Variants in ASNS observed in about 807,000 individuals in gnomAD.
ASNS encodes the protein asparagine synthetase [glutamine-hydrolyzing].
Under a neutral mutation model 62.6 loss-of-function variants are expected in ASNS, and 37 were observed. The ratio of observed to expected loss-of-function variants is 0.59; its 90% CI spans 0.45 to 0.78. The LOEUF (loss-of-function observed/expected upper bound fraction) is 0.78. Among genes scored for constraint, ASNS ranks in the 30% least tolerant of loss-of-function variants. The probability of loss-of-function intolerance (pLI) is 0.00; values close to 1 mark genes in which losing one functional copy is unlikely to be tolerated. For synonymous variants in ASNS, 207 were observed against 237.9 expected (o/e 0.87, Z 1.19); for missense variants, 520 against 682.4 (o/e 0.76, Z 2.65).
chr7:97,883,296 A>C, the ASNS span, among the ~76,000 whole-genome samples: 3 of 152,184 alleles, frequency 2.0e-5, no homozygotes, highest in Non-Finnish European at 2.9e-5. Context: ...GGCCTTTGAA[A>C]GTCTAGACAT....
At chr7:97,907,076 A>AC in the ASNS span, among the ~76,000 whole-genome samples, 2 of 152,132 alleles carry the variant, frequency 1.3e-5, no homozygotes, top group Non-Finnish European at 2.9e-5. Flanking sequence ...ATATCTGGGC[A>AC]CCCCACAACC....
the ASNS span, among the ~76,000 whole-genome samples, chr7:97,878,019 G>C: frequency 6.6e-6 from 1 of 152,202 alleles, no homozygotes; most frequent in African/African-American, 2.4e-5. Context: ...GATGATCACG[G>C]ATGAGAGCAG....
chr7:97,858,997 G>C (rs1157845233), intron 5 of ASNS, 42 bp from the exon 6 acceptor site: 1 of 1,554,276 alleles, frequency 6.4e-7, no homozygotes, highest in African/African-American at 1.4e-5. Context: ...AGAAAATCTT[G>C]GGCTGGATTA....
chr7:97,905,029 G>C, the ASNS span, among the ~76,000 whole-genome samples: 8 of 152,114 alleles, frequency 5.3e-5, no homozygotes, highest in African/African-American at 1.9e-4. Flanking sequence ...TCAATGTGCA[G>C]ACATCCACCT....
In ASNS at chr7:97,868,519, A is replaced by ATGTG. The variant is rs61611439; in HGVS notation, c.249+385_249+388dup. Among the ~76,000 whole-genome samples, 308 of 122,960 alleles carry ATGTG rather than the reference A, an allele frequency of 2.5e-3. 2 individuals are homozygous for ATGTG. The East Asian group carries it at 0.029, about 12-fold the overall frequency. 80.7% of individuals were successfully genotyped at this position (122,960 alleles called of 152,430 possible). The stretch of plus-strand genomic sequence containing the variant: ...TACTCTCAAATGATTCAGCAAAAAC[A>ATGTG]TGTGTGTGTGTGTGTGTGTGTGTGT... On this transcript the variant is annotated intron_variant, in intron 3 of 12. Coordinates refer to ENST00000394308, the MANE Select transcript of ASNS (RefSeq NM_001673.5).
At chr7:97,906,839 G>A in the ASNS span, 8 of 151,988 alleles carry the variant, frequency 5.3e-5, no homozygotes, top group African/African-American at 1.9e-4. Flanking sequence ...GTTCCAACTC[G>A]AGTCCACATC....
intron 2 of ASNS, among the ~76,000 whole-genome samples, chr7:97,869,555 C>T (rs534602530): frequency 6.6e-6 from 1 of 152,284 alleles, no homozygotes; most frequent in South Asian, 2.1e-4. Context: ...CCAACCTAGC[C>T]AGAGATCCTA....
intron 5 of ASNS, 42 bp downstream of exon 5, chr7:97,859,171 C>A: frequency 1.3e-6 from 2 of 1,552,618 alleles, no homozygotes; most frequent in South Asian, 1.2e-5. Flanking sequence ...AATTTTTTTC[C>A]CTTGGAGAAG....
the ASNS span, chr7:97,898,345 C>G: frequency 2.0e-6 from 1 of 503,650 alleles, no homozygotes; most frequent in Non-Finnish European, 3.6e-6. Context: ...GAACTTTAAA[C>G]AGATTCTTGG....
At chr7:97,926,080 T>C in the ASNS span, among the ~76,000 whole-genome samples, 1 of 110,152 alleles carries the variant, frequency 9.1e-6, no homozygotes, top group Non-Finnish European at 1.7e-5. Flanking sequence ...CATAAACACA[T>C]GCCCTGCAGC....
intron 3 of ASNS, 34 bp downstream of exon 3, chr7:97,868,874 A>G (rs1315892728): frequency 1.2e-6 from 2 of 1,607,758 alleles, no homozygotes; most frequent in Non-Finnish European, 1.7e-6. Flanking sequence ...CTGAAGTTTA[A>G]TCGCATCCAG....
the ASNS span, among the ~76,000 whole-genome samples, chr7:97,883,987 CAAA>C: frequency 4.5e-4 from 47 of 104,352 alleles, no homozygotes; most frequent in Middle Eastern, 4.9e-3. Flanking sequence ...GACTCCATCT[CAAA>C]AAAAAAAAAA....
the ASNS span, among the ~76,000 whole-genome samples, chr7:97,921,305 T>C: frequency 6.6e-6 from 1 of 152,140 alleles, no homozygotes; most frequent in African/African-American, 2.4e-5. Context: ...TTTTTTTCCC[T>C]TTTCTTGAGA....
chr7:97,854,504 G>A lies in ASNS; in HGVS notation c.1238+76C>T, dbSNP rs1208071336. The A allele has an allele frequency of 5.2e-6, 8 of 1,537,506 alleles. No individual in the cohort carries two copies. The African/African-American group carries it at 7.0e-5, about 13-fold the overall frequency. Reference sequence around the variant, plus strand: ...CAGCTATTGATTTTTATTTTCTCAGGGTATTGAGCTTTTTGTTTTGTTTTG... The same window carrying A: ...CAGCTATTGATTTTTATTTTCTCAGAGTATTGAGCTTTTTGTTTTGTTTTG... On this transcript the variant is annotated intron_variant, in intron 10 of 12. Coordinates refer to ENST00000394308, the MANE Select transcript of ASNS (RefSeq NM_001673.5).
chr7:97,864,095 A>C, intron 4 of ASNS, 164 bp downstream of exon 4: 1 of 602,040 alleles, frequency 1.7e-6, no homozygotes, highest in Admixed American at 3.3e-5. Context: ...TTAAGTGCTG[A>C]AAAGGAGAGT....
intron 10 of ASNS, among the ~76,000 whole-genome samples, chr7:97,854,241 T>C (rs1201141952): frequency 6.6e-6 from 1 of 152,228 alleles, no homozygotes; most frequent in Non-Finnish European, 1.5e-5. Context: ...CGGTAGCTGC[T>C]GTAGCAGCCT....
At chr7:97,877,617 A>G in the ASNS span, among the ~76,000 whole-genome samples, 1 of 152,004 alleles carries the variant, frequency 6.6e-6, no homozygotes, top group Admixed American at 6.6e-5. Context: ...ACTGAATTCA[A>G]TTTCTTGCAA....
At chr7:97,890,335 A>G in the ASNS span, among the ~76,000 whole-genome samples, 2 of 152,128 alleles carry the variant, frequency 1.3e-5, no homozygotes, top group African/African-American at 2.4e-5. Context: ...AAGCTCAAAG[A>G]TTACCAAATA....
chr7:97,859,099 A>G (rs1791593381), intron 5 of ASNS, 114 bp downstream of exon 5: 23 of 1,442,930 alleles, frequency 1.6e-5, no homozygotes, highest in African/African-American at 2.9e-5. Context: ...GTTCCCTCCA[A>G]ACAAAATAGG....
Sources: allele counts gnomAD v4.1 joint callset (sites outside exome capture counted in the v4.1 genomes callset), GRCh38; gene constraint gnomAD v4.1.1; transcripts MANE v1.5; gene names NCBI Gene and HGNC (gene_info 2026-07-23, HGNC 2026-07-21).